Variants in SNTG1 observed in about 807,000 individuals in gnomAD.
The protein encoded by SNTG1 is gamma-1-syntrophin.
A neutral mutation model predicts 74.7 loss-of-function variants in SNTG1; 39 were observed. The observed-to-expected ratio is 0.52, with a 90% confidence interval of 0.40 to 0.68. The LOEUF (loss-of-function observed/expected upper bound fraction) is 0.68, where lower values mean the gene tolerates loss of function less well. Among genes scored for constraint, SNTG1 ranks in the 30% least tolerant of loss-of-function variants. The pLI is 0.00. For missense variants in SNTG1, 685 were observed against 609.5 expected (o/e 1.12, Z -1.30); for synonymous variants, 254 against 217.1 (o/e 1.17, Z -1.49).
chr8:50,709,950 CA>C (rs1180666508), intron 17 of SNTG1, among the ~76,000 whole-genome samples: 2 of 152,072 alleles, frequency 1.3e-5, no homozygotes, highest in Admixed American at 6.6e-5. Flanking sequence ...TTTTCTAAAG[CA>C]AATGGCAACA....
At chr8:50,553,306 C>A in intron 12 of SNTG1, 127 bp downstream of exon 12, 1 of 1,227,250 alleles carries the variant, frequency 8.1e-7, no homozygotes, top group Non-Finnish European at 1.1e-6. Context: ...GAAAGCTATT[C>A]TGGAATACTT....
At chr8:50,211,765 C>A (rs2084533189) in intron 2 of SNTG1, among the ~76,000 whole-genome samples, 1 of 151,936 alleles carries the variant, frequency 6.6e-6, no homozygotes, top group South Asian at 2.1e-4. Context: ...AATACAAAAT[C>A]ATTTTGCTTC....
chr8:50,043,994 C>T (rs965259845), intron 1 of SNTG1, among the ~76,000 whole-genome samples: 9 of 152,144 alleles, frequency 5.9e-5, no homozygotes, highest in African/African-American at 2.2e-4. Context: ...TATGATAACA[C>T]TAATCACATA....
chr8:50,276,373 TTATATATATATATATATATATATA>T (rs6150576), intron 2 of SNTG1, among the ~76,000 whole-genome samples: 1 of 143,458 alleles, frequency 7.0e-6, no homozygotes, highest in African/African-American at 2.7e-5. Context: ...CAAGTAAATT[TTATATATATATATATATATATATA>T]TATATATATA....
At chr8:50,063,656 T>A (rs184612506) in intron 1 of SNTG1, among the ~76,000 whole-genome samples, 115 of 152,298 alleles carry the variant, frequency 7.6e-4, no homozygotes, top group African/African-American at 2.6e-3. Flanking sequence ...ATAGTTTCCA[T>A]CAGGTCATAC....
chr8:50,029,639 A>G (rs1162439476), intron 1 of SNTG1, among the ~76,000 whole-genome samples: 1 of 152,108 alleles, frequency 6.6e-6, no homozygotes, highest in Non-Finnish European at 1.5e-5. Context: ...TTCACCTAAC[A>G]TAACATCTAG....
At chr8:50,717,930 T>C (rs2095478788) in intron 17 of SNTG1, among the ~76,000 whole-genome samples, 1 of 152,218 alleles carries the variant, frequency 6.6e-6, no homozygotes, top group Non-Finnish European at 1.5e-5. Context: ...GAAGGGGCAC[T>C]GTGTTTTCTG....
intron 2 of SNTG1, among the ~76,000 whole-genome samples, chr8:50,324,689 A>G (rs1171024032): frequency 6.6e-6 from 1 of 151,978 alleles, no homozygotes; most frequent in Non-Finnish European, 1.5e-5. Flanking sequence ...TTTTTCCCCA[A>G]TATATGGCTT....
chr8:50,094,487 C>G (rs1166912009), intron 1 of SNTG1, among the ~76,000 whole-genome samples: 1 of 151,474 alleles, frequency 6.6e-6, no homozygotes, highest in Non-Finnish European at 1.5e-5. Context: ...AATCAACAAG[C>G]AAAAAACAAA....
At chr8:50,423,870 G>A (rs1383303183) in intron 4 of SNTG1, among the ~76,000 whole-genome samples, 5 of 152,110 alleles carry the variant, frequency 3.3e-5, no homozygotes, top group Admixed American at 6.6e-5. Flanking sequence ...GCCTGACATC[G>A]CGTTAGGGAG....
At chr8:50,687,696 T>C (rs2095358695) in intron 15 of SNTG1, among the ~76,000 whole-genome samples, 2 of 152,242 alleles carry the variant, frequency 1.3e-5, no homozygotes, top group South Asian at 4.1e-4. Context: ...GCATTAGGTA[T>C]ATCTTGTAAT....
At chr8:50,751,932 G>T (rs2095568337) in intron 17 of SNTG1, 69 bp from the exon 18 acceptor site, 3 of 896,888 alleles carry the variant, frequency 3.3e-6, no homozygotes, top group South Asian at 3.8e-5. Context: ...ATTTAAAAAA[G>T]AACTATTTCT....
In SNTG1 at chr8:50,640,605, T is replaced by C. The variant is rs141102413; in HGVS notation, c.850-16304T>C. On this transcript the variant is annotated intron_variant, in intron 13 of 18. Coordinates refer to ENST00000642720, the MANE Select transcript of SNTG1 (RefSeq NM_018967.5). ...TCAGACATGGACACCTATCTACCCA[T>C]CCTGGTAATGATTCTAATCTCTGGA... Among the ~76,000 whole-genome samples, 968 of 152,256 alleles carry C rather than the reference T, an allele frequency of 6.4e-3. 11 individuals carry two copies. The highest frequency in any genetic ancestry group is 0.021 in the African/African-American group (886 of 41,556).
At chr8:50,547,067 G>A (rs1585642861) in intron 11 of SNTG1, among the ~76,000 whole-genome samples, 1 of 152,270 alleles carries the variant, frequency 6.6e-6, no homozygotes, top group Admixed American at 6.5e-5. Context: ...ACAGGCATGA[G>A]CCACCATGCC....
chr8:50,111,120 A>G (rs1394873129), intron 1 of SNTG1, among the ~76,000 whole-genome samples: 9 of 146,594 alleles, frequency 6.1e-5, no homozygotes. Context: ...ACTCATTGCA[A>G]CATCAATGCC....
chr8:50,604,281 G>A (rs986863024), intron 13 of SNTG1, among the ~76,000 whole-genome samples: 1 of 152,092 alleles, frequency 6.6e-6, no homozygotes, highest in African/African-American at 2.4e-5. Context: ...AGCTGGGCAT[G>A]ATGGCACATG....
At chr8:50,667,035 T>C (rs1190675694) in intron 15 of SNTG1, among the ~76,000 whole-genome samples, 1 of 151,920 alleles carries the variant, frequency 6.6e-6, no homozygotes, top group East Asian at 1.9e-4. Context: ...ATGTTTCTTA[T>C]AATATGGTTT....
At chr8:50,781,933 G>T (rs964614401) in intron 18 of SNTG1, among the ~76,000 whole-genome samples, 7 of 152,124 alleles carry the variant, frequency 4.6e-5, no homozygotes, top group Admixed American at 1.3e-4. Context: ...TTGCTTGTCT[G>T]TAAAGGATTT....
intron 1 of SNTG1, among the ~76,000 whole-genome samples, chr8:49,964,959 T>G: frequency 6.6e-6 from 1 of 152,244 alleles, no homozygotes; most frequent in Middle Eastern, 3.4e-3. Context: ...TAAATTAGAG[T>G]TTATTTATAC....
Sources: allele counts gnomAD v4.1 joint callset (sites outside exome capture counted in the v4.1 genomes callset), GRCh38; gene constraint gnomAD v4.1.1; transcripts MANE v1.5; gene names NCBI Gene and HGNC (gene_info 2026-07-23, HGNC 2026-07-21).